The following BMS1 variants were observed in gnomAD, a reference collection of about 807,000 sequenced individuals.
The protein encoded by BMS1 is ribosome biogenesis protein BMS1 homolog.
BMS1 carries 53 observed loss-of-function variants against 138.7 expected under a neutral mutation model. That is an observed-to-expected ratio of 0.38 (90% confidence interval 0.31 to 0.48). The LOEUF (loss-of-function observed/expected upper bound fraction) is 0.48, where lower values mean the gene tolerates loss of function less well. BMS1 is among the 20% of genes least tolerant of loss of function. The pLI is 0.97. For missense variants in BMS1, 1,360 were observed against 1,565.5 expected (o/e 0.87, Z 2.22); for synonymous variants, 504 against 539.9 (o/e 0.93, Z 0.92).
chr10:42,788,560 A>G (rs773439746), intron 4 of BMS1, among the ~76,000 whole-genome samples: 6 of 151,156 alleles, frequency 4.0e-5, no homozygotes, highest in African/African-American at 1.5e-4. Flanking sequence ...TAGTCACCCT[A>G]TTGTGCTGTT....
chr10:42,785,530 A>G lies in BMS1; in HGVS notation c.225A>G (p.Arg75=). ...TKKHHIPVVD[R]TPLEPPPIVV... The stretch of plus-strand genomic sequence containing the variant: ...AGCATCATATTCCAGTGGTTGATCG[A>G]ACTCCACTAGAGCCCCCACCAATAG... The change falls in exon 3 of 23, where the codon CGA becomes CGG. Residue 75 remains arginine (R), a synonymous_variant. Transcript: ENST00000374518. 6.2e-7 allele frequency: 1 copy of G among 1,613,678 alleles called. No homozygotes were observed. The highest frequency in any genetic ancestry group is 8.5e-7 in the Non-Finnish European group (1 of 1,179,694).
chr10:42,785,003 A>G (rs1246115023), intron 2 of BMS1, among the ~76,000 whole-genome samples: 1 of 152,234 alleles, frequency 6.6e-6, no homozygotes, highest in Non-Finnish European at 1.5e-5. Context: ...CAGCCTTACC[A>G]GAGTAGGAAT....
At chr10:42,787,944 T>C (rs1202909346) in intron 4 of BMS1, among the ~76,000 whole-genome samples, 1 of 152,156 alleles carries the variant, frequency 6.6e-6, no homozygotes, top group African/African-American at 2.4e-5. Flanking sequence ...AAAAATAAAA[T>C]ACAAATTAGC....
At chr10:42,803,262 CT>C (rs1275675722) in intron 13 of BMS1, among the ~76,000 whole-genome samples, 1 of 152,168 alleles carries the variant, frequency 6.6e-6, no homozygotes, top group Non-Finnish European at 1.5e-5. Context: ...CCTCAGCCTC[CT>C]GAGTAGCTTG....
At position 42,790,381 on chromosome 10, in the gene BMS1, A is replaced by G. The variant is rs1400615463; in HGVS notation, c.506A>G (p.Asn169Ser). The change falls in exon 5 of 23, where the codon AAC (asparagine) becomes AGC (serine). Residue 169 changes from asparagine (N) to serine (S), a missense_variant. This residue lies in a region of BMS1 where 238 missense variants were observed against 311.1 expected (regional missense o/e 0.77). Coordinates refer to ENST00000374518, the MANE Select transcript of BMS1 (RefSeq NM_014753.4). The stretch of plus-strand genomic sequence containing the variant: ...GAAATGGAAACGTTTGAGTTTCTAA[A>G]CATCTGTCAAGTACATGGCTTTCCT... ...GFEMETFEFL[N>S]ICQVHGFPKI... is the part of the protein sequence containing the mutation. 6.2e-7 allele frequency: 1 copy of G among 1,613,950 alleles called. No individual in the cohort carries two copies. The highest frequency in any genetic ancestry group is 1.1e-5 in the South Asian group (1 of 91,076).
intron 1 of BMS1, among the ~76,000 whole-genome samples, chr10:42,783,739 A>T (rs183798102): frequency 2.5e-3 from 379 of 152,282 alleles, no homozygotes; most frequent in Non-Finnish European, 3.6e-3. Flanking sequence ...CCTATCTCAC[A>T]CGTACAGCTA....
intron 22 of BMS1, 65 bp downstream of exon 22, chr10:42,830,487 A>G: frequency 2.6e-6 from 4 of 1,536,774 alleles, no homozygotes; most frequent in Non-Finnish European, 3.5e-6. Flanking sequence ...TCAATAGCAC[A>G]CTTCCTGTTT....
chr10:42,791,251 A>G (rs1332362069), intron 5 of BMS1, among the ~76,000 whole-genome samples: 3 of 152,214 alleles, frequency 2.0e-5, no homozygotes, highest in African/African-American at 7.2e-5. Context: ...TGCACCAGGC[A>G]GTGTCTGGCT....
At chr10:42,821,077 T>C in intron 18 of BMS1, 85 bp downstream of exon 18, 2 of 1,122,220 alleles carry the variant, frequency 1.8e-6, no homozygotes, top group Non-Finnish European at 1.3e-6. Flanking sequence ...AGACTTTAAG[T>C]TGAAAATTAC....
intron 13 of BMS1, among the ~76,000 whole-genome samples, chr10:42,804,863 G>T (rs1028907397): frequency 6.6e-6 from 1 of 151,762 alleles, no homozygotes; most frequent in Admixed American, 6.6e-5. Context: ...GATTACAGGC[G>T]CCCGCCACCA....
chr10:42,798,386 C>T, intron 11 of BMS1, 82 bp from the exon 12 acceptor site: 1 of 1,549,960 alleles, frequency 6.5e-7, no homozygotes, highest in Non-Finnish European at 8.8e-7. Context: ...TTCAAAGACT[C>T]ATGGCCTAAC....
In BMS1 at chr10:42,820,854, T is replaced by G. The variant is rs1588753381; in HGVS notation, c.2951-80T>G. 19 of 1,297,672 alleles carry G rather than the reference T, an allele frequency of 1.5e-5. No individual in the cohort carries two copies. In the African/African-American group the frequency reaches 1.8e-4, roughly 12 times the overall value. The allele number at this position is 1,297,672 out of a possible 1,614,324, so 80.4% of individuals were successfully genotyped here. On this transcript the variant is annotated intron_variant, in intron 17 of 22. Coordinates refer to ENST00000374518, the MANE Select transcript of BMS1 (RefSeq NM_014753.4). ...ATATATGTAAATCTATATCCAAATC[T>G]AAATGTCCATATCCAGTATGTTAAA...
At position 42,790,437 on chromosome 10, in the gene BMS1, T is replaced by G; in HGVS notation, c.562T>G (p.Ser188Ala). Residue 188 changes from serine to alanine, a missense_variant, in exon 5 of 23, where the codon TCC becomes GCC. Physicochemically the swap from Ser to Ala is moderately conservative, Grantham distance 99. Around this residue, in one of 3 missense-constraint regions of BMS1, gnomAD observed 238 missense variants for 311.1 expected, o/e 0.77. Coordinates refer to ENST00000374518, the MANE Select transcript of BMS1 (RefSeq NM_014753.4). Reference protein sequence around the residue: ...KIMGVLTHLDSFKHNKQLKKT... With the variant: ...KIMGVLTHLDAFKHNKQLKKT... The stretch of plus-strand genomic sequence containing the variant: ...TATGGGAGTTCTCACCCACCTCGAC[T>G]CCTTCAAGCATAATAAGCAACTGAA... The G allele has an allele frequency of 6.2e-7, 1 of 1,613,940 alleles. No homozygotes were observed. Among genetic ancestry groups the G allele is most frequent in the South Asian group, 1.1e-5 (1 of 91,078 alleles).
At chr10:42,801,229 G>A (rs1383569791) in intron 12 of BMS1, among the ~76,000 whole-genome samples, 1 of 152,210 alleles carries the variant, frequency 6.6e-6, no homozygotes, top group African/African-American at 2.4e-5. Context: ...GATATTTCCA[G>A]TTCACATACA....
chr10:42,790,258 C>G, intron 4 of BMS1, 65 bp from the exon 5 acceptor site: 1 of 1,563,978 alleles, frequency 6.4e-7, no homozygotes, highest in Non-Finnish European at 8.7e-7. Flanking sequence ...TGGCCAGTTG[C>G]CAACCCTTAG....
rs1842471229 is a variant in BMS1 at position 42,820,373 on chromosome 10, C to T, written c.2718C>T (p.Pro906=). 1 of 1,613,788 alleles carries T rather than the reference C, an allele frequency of 6.2e-7. No homozygotes were observed. The highest frequency in any genetic ancestry group is 8.5e-7 in the Non-Finnish European group (1 of 1,179,850). The part of the protein sequence containing the change: ...EFVQNFDPHY[P]IILGGLGNSE... ...TGCAGAACTTTGACCCCCATTACCC[C>T]ATTATCCTGGGTGGCTTGGGCAACA... The change falls in exon 16 of 23, where the codon CCC becomes CCT. Residue 906 remains proline (P), a synonymous_variant. Transcript: ENST00000374518.
rs1312174495 is a variant in BMS1 at position 42,793,967 on chromosome 10, G to A, written c.1205G>A (p.Gly402Glu). The part of the protein sequence containing the change: ...VTLFSDSKPL[G>E]SEDIDNQGLM... Reference sequence around the variant, plus strand: ...CTGTTTTCTGATTCCAAGCCACTTGGGTCAGAGGATATAGATAATCAAGGG... The same window carrying A: ...CTGTTTTCTGATTCCAAGCCACTTGAGTCAGAGGATATAGATAATCAAGGG... The change falls in exon 9 of 23, where the codon GGG becomes GAG. Residue 402 changes from glycine to glutamate, a missense_variant. Coordinates refer to ENST00000374518, the MANE Select transcript of BMS1 (RefSeq NM_014753.4). The A allele has an allele frequency of 7.4e-6, 12 of 1,611,204 alleles. No homozygotes were observed. Among genetic ancestry groups the A allele is most frequent in the Non-Finnish European group, 1.0e-5 (12 of 1,179,688 alleles).
intron 3 of BMS1, among the ~76,000 whole-genome samples, chr10:42,786,402 A>G (rs1841331634): frequency 6.6e-6 from 1 of 151,906 alleles, no homozygotes; most frequent in African/African-American, 2.4e-5. Context: ...GCTTTTCTTT[A>G]TCTTTGGAGC....
Position 42,820,315 on chromosome 10 carries a change from G to T in BMS1, c.2660G>T (p.Arg887Leu), listed in dbSNP as rs760627253. 5.6e-6 allele frequency: 9 copies of T among 1,613,522 alleles called. 1 individual carries two copies. Among genetic ancestry groups the T allele is most frequent in the Non-Finnish European group, 7.6e-6 (9 of 1,179,848 alleles). ...GGTTTTCGACCTGGGATGTACGTCC[G>T]CATTGAGATTGAAAATGTTCCCTGT... ...YEGFRPGMYV[R>L]IEIENVPCEF... Residue 887 changes from arginine (R) to leucine (L), a missense_variant, in exon 16 of 23, where the codon CGC becomes CTC. This residue lies in a region of BMS1 where 425 missense variants were observed against 568.3 expected (regional missense o/e 0.75). Transcript: ENST00000374518.
Sources: allele counts gnomAD v4.1 joint callset (sites outside exome capture counted in the v4.1 genomes callset), GRCh38; gene constraint gnomAD v4.1.1; regional missense constraint gnomAD v4.1.1; transcripts MANE v1.5; gene names NCBI Gene and HGNC (gene_info 2026-07-23, HGNC 2026-07-21).